The following CLEC12A variants were observed in gnomAD, a reference collection of about 807,000 sequenced individuals.
CLEC12A encodes the protein C-type lectin domain family 12 member A.
In CLEC12A, 22 loss-of-function variants were observed where a neutral mutation model predicts 26.5. The observed-to-expected ratio is 0.83, with a 90% CI of 0.59 to 1.19. The LOEUF (loss-of-function observed/expected upper bound fraction) is 1.19. Among genes scored for constraint, CLEC12A ranks in the 50% most tolerant of loss-of-function variants. The pLI is 0.00. For missense variants in CLEC12A, 353 were observed against 315.6 expected (o/e 1.12, Z -0.90); for synonymous variants, 119 against 101.9 (o/e 1.17, Z -1.01).
chr12:9,990,173 A>G (rs1372499330), downstream of CLEC12A, among the ~76,000 whole-genome samples: 12 of 152,212 alleles, frequency 7.9e-5, no homozygotes. Context: ...TGCAACCAAC[A>G]AATCAAGGAG....
intron 1 of CLEC12A, among the ~76,000 whole-genome samples, chr12:9,961,934 T>C (rs1863835875): frequency 1.3e-5 from 2 of 152,318 alleles, no homozygotes; most frequent in Middle Eastern, 3.4e-3. Context: ...TCTAGGTATG[T>C]TTGTGCTAAT....
intron 1 of CLEC12A, among the ~76,000 whole-genome samples, chr12:9,958,289 G>A (rs951452382): frequency 3.3e-5 from 5 of 152,224 alleles, no homozygotes; most frequent in African/African-American, 9.6e-5. Context: ...CAATTGAACA[G>A]TTGCAGATGG....
At chr12:9,951,349 G>A (rs941565890) in exon 1 of CLEC12A, 4 of 703,036 alleles carry the variant, frequency 5.7e-6, no homozygotes, top group Non-Finnish European at 7.8e-6. Flanking sequence ...ACTTCTGCAT[G>A]TGGATAGGTG....
chr12:9,966,728 T>C (rs1456329616), upstream of CLEC12A, among the ~76,000 whole-genome samples: 1 of 150,750 alleles, frequency 6.6e-6, no homozygotes, highest in Non-Finnish European at 1.5e-5. Context: ...TTAAGTCCTG[T>C]TGTGGGGTTT....
downstream of CLEC12A, among the ~76,000 whole-genome samples, chr12:9,999,947 CACTTA>C (rs967720349): frequency 6.6e-6 from 1 of 152,178 alleles, no homozygotes; most frequent in African/African-American, 2.4e-5. Flanking sequence ...GTATTGCACA[CACTTA>C]ACTTTATGAA....
intron 4 of CLEC12A, chr12:9,993,406 C>CAAAA: frequency 5.9e-6 from 3 of 509,742 alleles, no homozygotes; most frequent in South Asian, 1.9e-5. Context: ...GAAAAAAAAA[C>CAAAA]AAAAAAAAAA....
exon 5 of CLEC12A, chr12:9,995,199 A>G (rs1227143529): frequency 6.2e-7 from 1 of 1,613,220 alleles, no homozygotes; most frequent in Non-Finnish European, 8.5e-7. Flanking sequence ...ACTTCTGGCG[A>G]GATAATCCGA....
chr12:9,955,484 T>A (rs2137092558), intron 1 of CLEC12A, among the ~76,000 whole-genome samples: 1 of 152,320 alleles, frequency 6.6e-6, no homozygotes, highest in African/African-American at 2.4e-5. Flanking sequence ...TCTTTTCTCA[T>A]AAGTAATATA....
In CLEC12A at chr12:9,984,950, C is replaced by T. The variant is rs1273155438; in HGVS notation, c.722C>T (p.Thr241Ile). The T allele has an allele frequency of 6.4e-7, 1 of 1,572,514 alleles. No individual in the cohort carries two copies. Among genetic ancestry groups the T allele is most frequent in the Admixed American group, 1.8e-5 (1 of 56,034 alleles). ...NRLYVQYYHC[T>I]YKKRMICEKM... is the part of the protein sequence containing the mutation. ...CTATATGTTCAATATTATCACTGCACTTATAAAAAAAGAATGATATGTGAG... is the reference window on the plus strand; with the variant it reads ...CTATATGTTCAATATTATCACTGCATTTATAAAAAAAGAATGATATGTGAG... Residue 241 changes from threonine to isoleucine, a missense_variant, in exon 6 of 6, where the codon ACT becomes ATT. By Grantham distance (89) the Thr-to-Ile change is moderately conservative. Coordinates refer to ENST00000304361, the MANE Select transcript of CLEC12A (RefSeq NM_138337.6).
At chr12:9,976,526 C>A (rs994349415) in intron 1 of CLEC12A, among the ~76,000 whole-genome samples, 1 of 152,246 alleles carries the variant, frequency 6.6e-6, no homozygotes, top group Non-Finnish European at 1.5e-5. Context: ...CCTGTACTCT[C>A]ATTGTATCTA....
At chr12:9,960,198 C>T (rs1050576519) in intron 1 of CLEC12A, among the ~76,000 whole-genome samples, 1 of 152,178 alleles carries the variant, frequency 6.6e-6, no homozygotes, top group Non-Finnish European at 1.5e-5. Flanking sequence ...AACAGTCATG[C>T]TCTTGTGAAC....
the CLEC12A span, among the ~76,000 whole-genome samples, chr12:10,004,595 A>G: frequency 6.6e-6 from 1 of 151,636 alleles, no homozygotes; most frequent in African/African-American, 2.4e-5. Context: ...TCGTCTGCTC[A>G]TCTGATCTGG....
At chr12:9,995,883 G>A (rs1329584568), downstream of CLEC12A, among the ~76,000 whole-genome samples, 1 of 151,876 alleles carries the variant, frequency 6.6e-6, no homozygotes, top group African/African-American at 2.4e-5. Flanking sequence ...TACTCTTGTC[G>A]AGGTTAAGCA....
At chr12:9,995,556 T>C (rs1279874347) in exon 5 of CLEC12A, 19 of 360,098 alleles carry the variant, frequency 5.3e-5, no homozygotes, top group Non-Finnish European at 1.0e-4. Context: ...CCAAATATGA[T>C]TCAAAGGAAT....
chr12:9,954,204 A>AT (rs1491192403), intron 1 of CLEC12A, among the ~76,000 whole-genome samples: 20 of 106,066 alleles, frequency 1.9e-4, no homozygotes, highest in African/African-American at 4.7e-4. Context: ...AGAATTATCA[A>AT]TAAAAAAAAA....
chr12:9,959,920 A>G (rs1176736858), intron 1 of CLEC12A, among the ~76,000 whole-genome samples: 1 of 152,194 alleles, frequency 6.6e-6, no homozygotes, highest in African/African-American at 2.4e-5. Context: ...AAGCTATGTC[A>G]TACATGAAAC....
intron 1 of CLEC12A, among the ~76,000 whole-genome samples, chr12:9,966,163 C>G (rs2594084): frequency 6.6e-6 from 1 of 152,098 alleles, no homozygotes; most frequent in Non-Finnish European, 1.5e-5. Context: ...TCAGTACTTA[C>G]AACAGTTATG....
downstream of CLEC12A, among the ~76,000 whole-genome samples, chr12:9,997,908 T>G (rs1382811979): frequency 6.6e-6 from 1 of 151,988 alleles, no homozygotes; most frequent in Non-Finnish European, 1.5e-5. Context: ...TGAGAAAAAT[T>G]TCAGACAAGG....
At chr12:9,989,183 A>G, downstream of CLEC12A, among the ~76,000 whole-genome samples, 1 of 139,878 alleles carries the variant, frequency 7.1e-6, no homozygotes, top group African/African-American at 2.6e-5. Context: ...TGGACACAGG[A>G]AGGGGAACAT....
Sources: allele counts gnomAD v4.1 joint callset (sites outside exome capture counted in the v4.1 genomes callset), GRCh38; gene constraint gnomAD v4.1.1; transcripts MANE v1.5; gene names NCBI Gene and HGNC (gene_info 2026-07-23, HGNC 2026-07-21).